PLCG2: variants seen among roughly 807,000 people sequenced by gnomAD.
PLCG2 encodes the protein phospholipase C gamma 2, also known as 1-phosphatidylinositol 4,5-bisphosphate phosphodiesterase gamma-2.
PLCG2 carries 69 observed loss-of-function variants against 175.6 expected under a neutral mutation model. The observed-to-expected ratio is 0.39, with a 90% CI of 0.32 to 0.48. PLCG2 has a LOEUF of 0.48. Ranked by LOEUF, PLCG2 falls within the 20% of genes least tolerant of loss-of-function variation. The pLI is 0.91. For missense variants in PLCG2, 1,798 were observed against 1,650.9 expected (o/e 1.09, Z -1.54); for synonymous variants, 827 against 624.0 (o/e 1.33, Z -4.85).
intron 1 of PLCG2, chr16:81,740,168 GAAAC>G (rs1909558272): frequency 6.9e-6 from 1 of 144,496 alleles, no homozygotes; most frequent in Admixed American, 6.9e-5. Flanking sequence ...AGAAAGAAAA[GAAAC>G]AAAAAGAAAA....
chr16:81,939,694 T>A (rs1910859782), intron 29 of PLCG2, among the ~76,000 whole-genome samples, 198 bp from the exon 30 acceptor site: 1 of 152,220 alleles, frequency 6.6e-6, no homozygotes, highest in East Asian at 1.9e-4. Context: ...GGGACCAGCC[T>A]GCAACAGCAG....
chr16:81,862,257 C>A (rs553108012), intron 5 of PLCG2, among the ~76,000 whole-genome samples: 7 of 152,256 alleles, frequency 4.6e-5, no homozygotes, highest in Non-Finnish European at 8.8e-5. Flanking sequence ...GGGCAATGGA[C>A]AAGTCTTAGG....
intron 1 of PLCG2, 53 bp from the exon 2 acceptor site, chr16:81,785,890 C>T (rs1167452399): frequency 8.8e-7 from 1 of 1,137,296 alleles, no homozygotes; most frequent in Non-Finnish European, 1.3e-6. Context: ...GCCCTGTTAA[C>T]TAAACCCCTT....
chr16:81,767,498 C>G (rs1247682569), intron 2 of PLCG2: 1 of 152,162 alleles, frequency 6.6e-6, no homozygotes, highest in Non-Finnish European at 1.5e-5. Flanking sequence ...ACCGTCACCT[C>G]CAGGAAGCCT....
At chr16:81,848,705 T>A (rs1906249409) in intron 2 of PLCG2, among the ~76,000 whole-genome samples, 1 of 152,078 alleles carries the variant, frequency 6.6e-6, no homozygotes, top group African/African-American at 2.4e-5. Context: ...AAGAACTACT[T>A]ATTGGGCCCC....
intron 26 of PLCG2, among the ~76,000 whole-genome samples, chr16:81,935,128 C>T (rs1910654285): frequency 6.6e-6 from 1 of 152,150 alleles, no homozygotes; most frequent in African/African-American, 2.4e-5. Context: ...GTCCTGGAGG[C>T]CAGAGTCTGA....
chr16:81,778,064 CCA>C (rs763234369), upstream of PLCG2, among the ~76,000 whole-genome samples: 8,285 of 49,718 alleles, frequency 0.17, 734 homozygotes, highest in South Asian at 0.4. Flanking sequence ...ACAAAAAAAA[CCA>C]AAAACACACA....
chr16:81,890,220 A>G (rs1423192908), intron 10 of PLCG2, among the ~76,000 whole-genome samples: 1 of 152,234 alleles, frequency 6.6e-6, no homozygotes, highest in Non-Finnish European at 1.5e-5. Context: ...GCTGGTAACC[A>G]GTTAGTCTCC....
intron 2 of PLCG2, among the ~76,000 whole-genome samples, chr16:81,828,304 G>A (rs982724249): frequency 3.7e-5 from 5 of 133,792 alleles, no homozygotes; most frequent in Non-Finnish European, 7.7e-5. Context: ...GGAATGCAGT[G>A]GTGTGATCTC....
intron 26 of PLCG2, chr16:81,935,411 T>A (rs560471884): frequency 5.2e-6 from 2 of 382,966 alleles, no homozygotes; most frequent in Admixed American, 6.6e-5. Flanking sequence ...GGCCTGGACA[T>A]CTTTGGGGGC....
At chr16:81,905,304 C>T (rs553270784) in intron 14 of PLCG2, 99 bp from the exon 15 acceptor site, 34 of 780,182 alleles carry the variant, frequency 4.4e-5, no homozygotes, top group Admixed American at 4.3e-4. Flanking sequence ...ACAGGCAGTG[C>T]AAAGGCCCTG....
At chr16:81,783,732 C>T (rs1396653656) in intron 1 of PLCG2, among the ~76,000 whole-genome samples, 1 of 152,194 alleles carries the variant, frequency 6.6e-6, no homozygotes, top group Non-Finnish European at 1.5e-5. Context: ...ATGAAATGGA[C>T]CATGGGGGCA....
chr16:81,752,389 C>T (rs561272066), intron 1 of PLCG2, among the ~76,000 whole-genome samples: 74 of 152,330 alleles, frequency 4.9e-4, no homozygotes, highest in African/African-American at 1.6e-3. Context: ...GGTTGGGACA[C>T]GTCCTCTTTT....
At chr16:81,781,645 C>G (rs923639288) in intron 1 of PLCG2, among the ~76,000 whole-genome samples, 1 of 152,160 alleles carries the variant, frequency 6.6e-6, no homozygotes, top group African/African-American at 2.4e-5. Context: ...TGTATTCCCT[C>G]TAATGCTGCA....
rs1405177098 is a variant in PLCG2, at chr16:81,889,288, CTTG to C, written c.867+20_867+22del. Reference sequence around the variant, plus strand: ...TTGTGGATGAGGTGAGTAGGCTGGGCTTGTTGTCGCTTGGGGGTGACTTTTTGA... The same window carrying C: ...TTGTGGATGAGGTGAGTAGGCTGGGCTTGTCGCTTGGGGGTGACTTTTTGA... On this transcript the variant is annotated intron_variant, in intron 10 of 32. Coordinates refer to ENST00000564138, the MANE Select transcript of PLCG2 (RefSeq NM_002661.5). 6 of 1,393,032 alleles carry C rather than the reference CTTG, an allele frequency of 4.3e-6. No homozygotes were observed. Among genetic ancestry groups the C allele is most frequent in the Admixed American group, 3.6e-5 (2 of 54,984 alleles). The allele number at this position is 1,393,032 out of a possible 1,614,324, so 86.3% of individuals were successfully genotyped here. A position where few individuals can be genotyped will look rare whatever the true frequency, so the allele number is the denominator to read the frequency against.
chr16:81,762,518 A>G (rs1910062942), intron 2 of PLCG2, among the ~76,000 whole-genome samples: 1 of 152,146 alleles, frequency 6.6e-6, no homozygotes, highest in Admixed American at 6.6e-5. Context: ...ACAGTGAGCC[A>G]AGATTGCATC....
chr16:81,827,695 G>T (rs117901581), intron 2 of PLCG2, among the ~76,000 whole-genome samples: 5,228 of 152,184 alleles, frequency 0.034, 127 homozygotes, highest in Non-Finnish European at 0.049. Flanking sequence ...ATGTGTGCCT[G>T]GTGTAAAGTG....
intron 9 of PLCG2, among the ~76,000 whole-genome samples, chr16:81,887,208 C>T (rs973976531): frequency 6.6e-6 from 1 of 151,654 alleles, no homozygotes; most frequent in Non-Finnish European, 1.5e-5. Context: ...CAAACTCTGT[C>T]TCCTGGGTTC....
chr16:81,929,654 C>G (rs1408719512), intron 24 of PLCG2, among the ~76,000 whole-genome samples: 3 of 152,240 alleles, frequency 2.0e-5, no homozygotes, highest in Admixed American at 2.0e-4. Flanking sequence ...CCTTAGCCTC[C>G]CAAAGTGCTG....
Sources: allele counts gnomAD v4.1 joint callset (sites outside exome capture counted in the v4.1 genomes callset), GRCh38; gene constraint gnomAD v4.1.1; transcripts MANE v1.5; gene names NCBI Gene and HGNC (gene_info 2026-07-23, HGNC 2026-07-21).